Variants in MARK3 observed in about 807,000 individuals in gnomAD.
The protein encoded by MARK3 is MAP/microtubule affinity-regulating kinase 3.
A neutral mutation model predicts 90.1 loss-of-function variants in MARK3; 46 were observed. The observed-to-expected ratio is 0.51, with a 90% CI of 0.40 to 0.65. The LOEUF (loss-of-function observed/expected upper bound fraction) is 0.65, where lower values mean the gene tolerates loss of function less well. Among genes scored for constraint, MARK3 ranks in the 30% least tolerant of loss-of-function variants. The pLI, the probability that MARK3 is intolerant of heterozygous loss-of-function variation, is 0.00. For synonymous variants in MARK3, 321 were observed against 332.6 expected (o/e 0.97, Z 0.38); for missense variants, 818 against 947.2 (o/e 0.86, Z 1.79).
At chr14:103,399,938 C>CTT (rs11323012) in intron 1 of MARK3, among the ~76,000 whole-genome samples, 1 of 145,038 alleles carries the variant, frequency 6.9e-6, no homozygotes, top group African/African-American at 2.6e-5. Context: ...CCCCACCCTC[C>CTT]TTTTTTTTTT....
chr14:103,474,184 G>A (rs1486312192), intron 12 of MARK3, among the ~76,000 whole-genome samples: 4 of 152,162 alleles, frequency 2.6e-5, no homozygotes, highest in African/African-American at 7.2e-5. Context: ...CAGCCTGGGC[G>A]AGAGAGCTAG....
intron 3 of MARK3, among the ~76,000 whole-genome samples, chr14:103,433,467 G>A (rs1055861999): frequency 6.6e-6 from 1 of 152,070 alleles, no homozygotes; most frequent in African/African-American, 2.4e-5. Flanking sequence ...GCCGAGGCGG[G>A]TGGATCACCT....
chr14:103,391,313 G>A (rs551875308), intron 1 of MARK3, among the ~76,000 whole-genome samples: 1 of 152,176 alleles, frequency 6.6e-6, no homozygotes, highest in Admixed American at 6.5e-5. Context: ...GCAGCTCAGT[G>A]GCCAATCTTA....
At chr14:103,492,065 G>T in intron 15 of MARK3, 31 bp downstream of exon 15, 1 of 1,605,320 alleles carries the variant, frequency 6.2e-7, no homozygotes, top group South Asian at 1.1e-5. Context: ...GTTTTGGAGT[G>T]AACACATAGA....
At chr14:103,495,463 A>G (rs1307578652) in intron 15 of MARK3, among the ~76,000 whole-genome samples, 1 of 146,244 alleles carries the variant, frequency 6.8e-6, no homozygotes, top group African/African-American at 2.6e-5. Flanking sequence ...CTGGCGACAG[A>G]TTGACACTCC....
intron 12 of MARK3, among the ~76,000 whole-genome samples, chr14:103,470,536 A>G (rs1029131468): frequency 5.5e-5 from 7 of 126,652 alleles, no homozygotes; most frequent in African/African-American, 2.1e-4. Context: ...GCTCACTGCA[A>G]CCTCCGCCTC....
At position 103,415,594 on chromosome 14, in the gene MARK3, C is replaced by T. The variant is rs183121333; in HGVS notation, c.243+10327C>T. On this transcript the variant is annotated intron_variant, in intron 2 of 17. Transcript: ENST00000429436. ...ATGGTTATTTTGGTGTGAAATATTG[C>T]CTGTTTTACACCACAGTTTTCTTTC... Among the ~76,000 whole-genome samples, 8 of 152,192 alleles carry T rather than the reference C, an allele frequency of 5.3e-5. No homozygotes were observed. In the East Asian group the frequency reaches 1.5e-3, roughly 29 times the overall value.
intron 11 of MARK3, 181 bp from the exon 12 acceptor site, chr14:103,467,852 T>C: frequency 1.9e-6 from 1 of 515,340 alleles, no homozygotes; most frequent in South Asian, 3.1e-5. Flanking sequence ...CTTTAGTGTC[T>C]TTCCAGCCGT....
At chr14:103,470,453 C>CAATTTT (rs1299534465) in intron 12 of MARK3, among the ~76,000 whole-genome samples, 2 of 24,220 alleles carry the variant, frequency 8.3e-5, no homozygotes, top group Non-Finnish European at 1.7e-4. Flanking sequence ...GGAACTAAAT[C>CAATTTT]TATTTTTTTT....
intron 6 of MARK3, among the ~76,000 whole-genome samples, chr14:103,460,365 G>A (rs980167019): frequency 2.6e-5 from 4 of 152,066 alleles, no homozygotes; most frequent in Admixed American, 2.0e-4. Context: ...GATTACAGGC[G>A]TGAGCCACGC....
chr14:103,388,513 C>G (rs1350466461), intron 1 of MARK3, among the ~76,000 whole-genome samples: 1 of 152,136 alleles, frequency 6.6e-6, no homozygotes, highest in South Asian at 2.1e-4. Flanking sequence ...TGTTGAGAAC[C>G]TTTTTTCTTA....
At chr14:103,402,039 G>A (rs936783165) in intron 1 of MARK3, among the ~76,000 whole-genome samples, 2 of 152,068 alleles carry the variant, frequency 1.3e-5, no homozygotes, top group Non-Finnish European at 2.9e-5. Flanking sequence ...AGAGATGAGC[G>A]GGCCTTGAAT....
intron 5 of MARK3, among the ~76,000 whole-genome samples, chr14:103,454,100 C>A (rs1458265213): frequency 6.6e-6 from 1 of 152,082 alleles, no homozygotes; most frequent in Non-Finnish European, 1.5e-5. Context: ...AGCCAGTGGC[C>A]CTCATTGGCC....
At chr14:103,413,518 G>C (rs2091784175) in intron 2 of MARK3, among the ~76,000 whole-genome samples, 1 of 149,932 alleles carries the variant, frequency 6.7e-6, no homozygotes, top group Non-Finnish European at 1.5e-5. Context: ...CCACCTTTTG[G>C]ACTCAAGCAA....
At chr14:103,466,633 A>G (rs561766655) in intron 10 of MARK3, among the ~76,000 whole-genome samples, 191 bp downstream of exon 10, 1 of 152,354 alleles carries the variant, frequency 6.6e-6, no homozygotes, top group East Asian at 1.9e-4. Flanking sequence ...TAACTCTGAA[A>G]CAAGTGCCCA....
chr14:103,432,981 G>T (rs890242416), intron 3 of MARK3, among the ~76,000 whole-genome samples: 3 of 152,024 alleles, frequency 2.0e-5, no homozygotes, highest in Non-Finnish European at 4.4e-5. Flanking sequence ...AAAAGTAACC[G>T]ATTAGTTAAT....
chr14:103,470,455 ATTTT>A (rs6145477), intron 12 of MARK3, among the ~76,000 whole-genome samples: 1 of 55,056 alleles, frequency 1.8e-5, no homozygotes. Flanking sequence ...AACTAAATCT[ATTTT>A]TTTTTTTTTT....
intron 1 of MARK3, among the ~76,000 whole-genome samples, chr14:103,397,476 G>A (rs1271273466): frequency 1.3e-5 from 2 of 151,830 alleles, no homozygotes; most frequent in East Asian, 1.9e-4. Flanking sequence ...ACAGGCACCC[G>A]CCACCATGCC....
intron 15 of MARK3, among the ~76,000 whole-genome samples, chr14:103,496,865 C>A (rs190368556): frequency 2.7e-4 from 41 of 151,432 alleles, no homozygotes; most frequent in Non-Finnish European, 4.3e-4. Flanking sequence ...CATAATGAGA[C>A]CCCCATCTCT....
Sources: gnomAD v4.1 joint callset for allele counts (sites outside exome capture counted in the v4.1 genomes callset) on GRCh38, gnomAD v4.1.1 for gene constraint, MANE v1.5 for transcripts, NCBI Gene and HGNC (gene_info 2026-07-23, HGNC 2026-07-21) for gene names.